RAB11FIP4: variants seen among roughly 807,000 people sequenced by gnomAD.
The protein encoded by RAB11FIP4 is RAB11 family interacting protein 4.
A neutral mutation model predicts 74.3 loss-of-function variants in RAB11FIP4; 23 were observed. That is an observed-to-expected ratio of 0.31 (90% CI 0.22 to 0.44). The LOEUF is 0.44. Among genes scored for constraint, RAB11FIP4 ranks in the 20% least tolerant of loss-of-function variants. The pLI, the probability that RAB11FIP4 is intolerant of heterozygous loss-of-function variation, is 1.00. For synonymous variants in RAB11FIP4, 360 were observed against 359.9 expected, an observed-to-expected ratio of 1.00 and a Z score of 0.00; for missense variants, 630 against 863.9, an observed-to-expected ratio of 0.73 and a Z score of 3.39.
chr17:31,445,556 ATATATATATATATATATATATAT>A (rs2071447937), intron 3 of RAB11FIP4, among the ~76,000 whole-genome samples: 20 of 18,936 alleles, frequency 1.1e-3, no homozygotes, highest in African/African-American at 2.7e-3. Context: ...ATATATATAT[ATATATATATATATATATATATAT>A]TTTTTTTTTT....
At position 31,528,587 on chromosome 17, in the gene RAB11FIP4, C is replaced by G. The variant is rs776677255; in HGVS notation, c.1495-33C>G. 1.6e-5 allele frequency: 26 copies of G among 1,613,264 alleles called. No individual in the cohort carries two copies. In the South Asian group the frequency reaches 2.6e-4, roughly 16 times the overall value. On this transcript the variant is annotated intron_variant, in intron 12 of 14. Transcript: ENST00000621161. ...GGCACCAGGGCTCCTTCCAGCATCCCTGCTCCTGCCAACCTGCTTCTCTCC... is the reference window on the plus strand; with the variant it reads ...GGCACCAGGGCTCCTTCCAGCATCCGTGCTCCTGCCAACCTGCTTCTCTCC...
In RAB11FIP4 at chr17:31,422,167, C is replaced by T. The variant is rs1038626564; in HGVS notation, c.160-9646C>T. Among the ~76,000 whole-genome samples the T allele has an allele frequency of 1.1e-4, 17 of 152,216 alleles. No homozygotes were observed. The East Asian group carries it at 3.3e-3, about 30-fold the overall frequency. On this transcript the variant is annotated intron_variant, in intron 1 of 14. Transcript: ENST00000621161. The stretch of plus-strand genomic sequence containing the variant: ...TCCAGCCAAGGTGACAGAGTAAGAT[C>T]CTGCCTCCCCACCACACACAAAAAA...
chr17:31,525,031 G>C, intron 9 of RAB11FIP4, 59 bp from the exon 10 acceptor site: 1 of 1,548,376 alleles, frequency 6.5e-7, no homozygotes. Context: ...CCGTGCCACA[G>C]CCTGGGTTGG....
rs191212328 is a variant in RAB11FIP4 at position 31,494,648 on chromosome 17, T to A, written c.337-23003T>A. 2.5e-3 allele frequency among the ~76,000 whole-genome samples: 385 copies of A among 151,308 alleles called. 5 individuals carry two copies. Among genetic ancestry groups the A allele is most frequent in the East Asian group, 0.011 (59 of 5,168 alleles). ...TTTTCAATTTTAATTTTAATTTTTT[T>A]AAAAAAAAAGTAGAAATGAGGTGTT... On this transcript the variant is annotated intron_variant, in intron 3 of 14. Coordinates refer to ENST00000621161, the MANE Select transcript of RAB11FIP4 (RefSeq NM_032932.6).
chr17:31,411,846 T>A (rs1255132009), intron 1 of RAB11FIP4, among the ~76,000 whole-genome samples: 1 of 152,200 alleles, frequency 6.6e-6, no homozygotes, highest in East Asian at 1.9e-4. Flanking sequence ...CTGCAGGGCG[T>A]CCTTCCGAGG....
intron 1 of RAB11FIP4, among the ~76,000 whole-genome samples, chr17:31,420,209 G>A (rs2071185920): frequency 6.6e-6 from 1 of 152,004 alleles, no homozygotes; most frequent in Non-Finnish European, 1.5e-5. Context: ...CCTTTTAAAG[G>A]ATGTAAGACT....
At chr17:31,517,206 T>TGG (rs199757879) in intron 3 of RAB11FIP4, among the ~76,000 whole-genome samples, 10 of 20,250 alleles carry the variant, frequency 4.9e-4, no homozygotes, top group African/African-American at 1.2e-3. Flanking sequence ...GGGGGGGCGG[T>TGG]GGGGGGGGCG....
chr17:31,431,980 C>A, intron 2 of RAB11FIP4, 80 bp downstream of exon 2: 1 of 1,096,538 alleles, frequency 9.1e-7, no homozygotes, highest in Non-Finnish European at 1.4e-6. Flanking sequence ...GGGGGCCCAG[C>A]CTGGATTCCT....
intron 3 of RAB11FIP4, among the ~76,000 whole-genome samples, chr17:31,444,117 G>A (rs986502813): frequency 1.7e-4 from 26 of 152,106 alleles, no homozygotes; most frequent in African/African-American, 5.6e-4. Context: ...GCCCACCCTC[G>A]CTTCATTTCA....
chr17:31,501,857 C>T (rs1236740950), intron 3 of RAB11FIP4: 1 of 157,074 alleles, frequency 6.4e-6, no homozygotes, highest in Non-Finnish European at 1.4e-5. Context: ...AGACAATGCT[C>T]TTATGGGTAC....
chr17:31,411,932 C>T (rs75927134), intron 1 of RAB11FIP4, among the ~76,000 whole-genome samples: 1 of 152,248 alleles, frequency 6.6e-6, no homozygotes, highest in African/African-American at 2.4e-5. Context: ...GGCCATCGTC[C>T]TTGCCTCAGT....
intron 4 of RAB11FIP4, among the ~76,000 whole-genome samples, chr17:31,518,897 A>G (rs11654871): frequency 1.7e-3 from 252 of 151,150 alleles, no homozygotes; most frequent in Non-Finnish European, 2.3e-3. Context: ...CAGTGGCATG[A>G]TCTCACCTCA....
intron 1 of RAB11FIP4, among the ~76,000 whole-genome samples, chr17:31,398,576 G>T (rs1368421508): frequency 1.3e-5 from 2 of 152,214 alleles, no homozygotes; most frequent in East Asian, 3.8e-4. Flanking sequence ...CCCTCCGAGG[G>T]ATATCAGTGG....
chr17:31,460,983 C>T (rs1283643329), intron 3 of RAB11FIP4, among the ~76,000 whole-genome samples: 1 of 151,972 alleles, frequency 6.6e-6, no homozygotes, highest in Non-Finnish European at 1.5e-5. Flanking sequence ...GGTCATGTGT[C>T]GAGCCCCCTA....
intron 3 of RAB11FIP4, among the ~76,000 whole-genome samples, chr17:31,448,754 T>C (rs1156285012): frequency 6.6e-6 from 1 of 151,952 alleles, no homozygotes; most frequent in Non-Finnish European, 1.5e-5. Flanking sequence ...CCTGTAAGAA[T>C]CCTTCTGACC....
intron 1 of RAB11FIP4, among the ~76,000 whole-genome samples, chr17:31,413,594 A>AACG (rs2071120012): frequency 6.7e-6 from 1 of 150,246 alleles, no homozygotes; most frequent in South Asian, 2.1e-4. Flanking sequence ...TGCTCACACC[A>AACG]ACGCCCCGCT....
At chr17:31,432,303 T>C (rs2071318197) in intron 2 of RAB11FIP4, among the ~76,000 whole-genome samples, 1 of 151,404 alleles carries the variant, frequency 6.6e-6, no homozygotes, top group South Asian at 2.1e-4. Flanking sequence ...GTCACATGAC[T>C]GCCCGCCTCC....
In RAB11FIP4 at chr17:31,406,525, C is replaced by A. The variant is rs562965058; in HGVS notation, c.159+14514C>A. ...GCACGAGGGTGCTGTTTCTGCACGACCCCATCAGCACTATTATTTTAATGT... is the reference window on the plus strand; with the variant it reads ...GCACGAGGGTGCTGTTTCTGCACGAACCCATCAGCACTATTATTTTAATGT... On this transcript the variant is annotated intron_variant, in intron 1 of 14. Transcript: ENST00000621161. Among the ~76,000 whole-genome samples the A allele has an allele frequency of 2.1e-4, 32 of 152,366 alleles. 1 individual carries two copies. The South Asian group carries it at 6.6e-3, about 32-fold the overall frequency.
intron 3 of RAB11FIP4, among the ~76,000 whole-genome samples, chr17:31,465,273 C>T (rs1278385718): frequency 6.6e-6 from 1 of 152,014 alleles, no homozygotes; most frequent in East Asian, 1.9e-4. Flanking sequence ...TCCTCCTCAA[C>T]CAGTGTGTCC....
Sources: gnomAD v4.1 joint callset for allele counts (sites outside exome capture counted in the v4.1 genomes callset) on GRCh38, gnomAD v4.1.1 for gene constraint, MANE v1.5 for transcripts, NCBI Gene and HGNC (gene_info 2026-07-23, HGNC 2026-07-21) for gene names.